Variants in TTC7A observed in about 807,000 individuals in gnomAD.
TTC7A encodes tetratricopeptide repeat domain 7A.
In TTC7A, 110 loss-of-function variants were observed where a neutral mutation model predicts 103.7. The observed-to-expected ratio is 1.06, with a 90% CI of 0.91 to 1.24. TTC7A has a LOEUF of 1.24. Ranked by LOEUF, TTC7A falls within the 50% of genes most tolerant of loss-of-function variation. TTC7A has a pLI of 0.00. For missense variants in TTC7A, 1,340 were observed against 1,116.3 expected (o/e 1.20, Z -2.86); for synonymous variants, 521 against 467.9 (o/e 1.11, Z -1.47).
intron 3 of TTC7A, 53 bp from the exon 4 acceptor site, chr2:46,974,920 G>A: frequency 1.3e-6 from 2 of 1,597,028 alleles, no homozygotes; most frequent in Admixed American, 1.7e-5. Flanking sequence ...GGGAGGGCCT[G>A]GAGTCAGGGG....
At chr2:47,060,662 G>A in intron 18 of TTC7A, 107 bp from the exon 19 acceptor site, 1 of 1,028,194 alleles carries the variant, frequency 9.7e-7, no homozygotes, top group East Asian at 2.4e-5. Context: ...GTGGGATAGA[G>A]TTTGTCACCT....
chr2:46,989,513 C>T (rs1306888545), intron 5 of TTC7A, among the ~76,000 whole-genome samples: 3 of 152,176 alleles, frequency 2.0e-5, no homozygotes, highest in Non-Finnish European at 4.4e-5. Flanking sequence ...TGTGCTTTCT[C>T]ATTTCTCAGA....
At chr2:46,929,207 G>C (rs772858413) in intron 2 of TTC7A, among the ~76,000 whole-genome samples, 2 of 151,856 alleles carry the variant, frequency 1.3e-5, no homozygotes, top group African/African-American at 4.8e-5. Flanking sequence ...TTCTAGGCTG[G>C]GTACAGTGGC....
intron 3 of TTC7A, 117 bp downstream of exon 3, chr2:46,957,124 C>T: frequency 7.6e-7 from 1 of 1,321,420 alleles, no homozygotes; most frequent in Non-Finnish European, 1.1e-6. Context: ...TGCCCATGCC[C>T]TGGCACTGGT....
chr2:47,071,225 C>T (rs1210995765), intron 19 of TTC7A: 2 of 152,284 alleles, frequency 1.3e-5, no homozygotes, highest in African/African-American at 4.8e-5. Flanking sequence ...CGGCTGGTGT[C>T]AGGGGCAGGT....
intron 2 of TTC7A, among the ~76,000 whole-genome samples, chr2:46,954,157 T>G (rs997964183): frequency 6.6e-6 from 1 of 152,234 alleles, no homozygotes; most frequent in Non-Finnish European, 1.5e-5. Flanking sequence ...GTTCCCACGT[T>G]AGTCTGTGAA....
intron 8 of TTC7A, among the ~76,000 whole-genome samples, chr2:46,996,321 C>T (rs550843920): frequency 6.6e-6 from 1 of 152,306 alleles, no homozygotes; most frequent in East Asian, 1.9e-4. Context: ...AGCTGGGAAC[C>T]ACCAGGTTGA....
chr2:46,968,106 G>A (rs1292690930), intron 3 of TTC7A, among the ~76,000 whole-genome samples: 2 of 152,196 alleles, frequency 1.3e-5, no homozygotes, highest in African/African-American at 4.8e-5. Context: ...TGGAAGGGCG[G>A]CTGCCTTGGA....
chr2:46,937,767 A>C (rs1183828394), upstream of TTC7A, among the ~76,000 whole-genome samples: 1 of 152,206 alleles, frequency 6.6e-6, no homozygotes, highest in Non-Finnish European at 1.5e-5. This position sits in a 1 kb window ranked among gnomAD's most constrained non-coding sequence, Gnocchi z 4.0. Flanking sequence ...CATGGATTGC[A>C]TAGGAAGCTG....
rs549244697 is a variant in TTC7A at position 47,011,317 on chromosome 2, C to T, written c.1288-14C>T. 6.2e-7 allele frequency: 1 copy of T among 1,611,606 alleles called. No individual in the cohort carries two copies. The highest frequency in any genetic ancestry group is 8.5e-7 in the Non-Finnish European group (1 of 1,178,592). On this transcript the variant is annotated splice_polypyrimidine_tract_variant and intron_variant, in intron 10 of 19. Coordinates refer to ENST00000319190, the MANE Select transcript of TTC7A (RefSeq NM_020458.4). ...ACTGTGAGTGACAGTGTTTCCTGCT[C>T]TTTTTTTCTGCAGTCAGCCTACGCT...
chr2:46,939,701 A>C (rs1002399240), upstream of TTC7A, among the ~76,000 whole-genome samples: 9 of 152,292 alleles, frequency 5.9e-5, no homozygotes, highest in Admixed American at 5.9e-4. Context: ...GACTCCCAGG[A>C]ATGCCAGGCG....
At position 47,013,243 on chromosome 2, in the gene TTC7A, C is replaced by G. The variant is rs565749485; in HGVS notation, c.1392+1808C>G. Reference sequence around the variant, plus strand: ...GCCCTTGCATCACAGCTTGCTTTCCCCCACCTCATGAGTATCAGGGAACCC... The same window carrying G: ...GCCCTTGCATCACAGCTTGCTTTCCGCCACCTCATGAGTATCAGGGAACCC... On this transcript the variant is annotated intron_variant, in intron 11 of 19. Transcript: ENST00000319190. Among the ~76,000 whole-genome samples, 128 of 152,302 alleles carry G rather than the reference C, an allele frequency of 8.4e-4. 1 individual carries two copies. The highest frequency in any genetic ancestry group is 3.4e-3 in the Middle Eastern group (1 of 294).
At chr2:47,033,928 G>A (rs1332273162) in intron 15 of TTC7A, among the ~76,000 whole-genome samples, 1 of 152,200 alleles carries the variant, frequency 6.6e-6, no homozygotes, top group Non-Finnish European at 1.5e-5. Flanking sequence ...CTCCTTGGCT[G>A]CACAAGAAGT....
chr2:47,015,590 G>A (rs1678558772), intron 11 of TTC7A, among the ~76,000 whole-genome samples: 1 of 152,188 alleles, frequency 6.6e-6, no homozygotes, highest in South Asian at 2.1e-4. Context: ...CTGTAGCCTG[G>A]AAACAATCAT....
chr2:46,949,987 T>C (rs1671266789), intron 1 of TTC7A, among the ~76,000 whole-genome samples: 1 of 152,224 alleles, frequency 6.6e-6, no homozygotes, highest in South Asian at 2.1e-4. Flanking sequence ...ATTTTTTCTC[T>C]TCAATCATTT....
intron 18 of TTC7A, 29 bp from the exon 19 acceptor site, chr2:47,060,740 C>G: frequency 6.4e-7 from 1 of 1,569,624 alleles, no homozygotes; most frequent in Non-Finnish European, 8.7e-7. Context: ...CCACCACTCA[C>G]ACCTCCCACT....
chr2:46,994,493 C>G lies in TTC7A; in HGVS notation c.980C>G (p.Pro327Arg). 6.2e-7 allele frequency: 1 copy of G among 1,614,016 alleles called. No homozygotes were observed. Residue 327 changes from proline to arginine, a missense_variant, in exon 7 of 20, where the codon CCT becomes CGT. Physicochemically the swap from Pro to Arg is moderately radical, Grantham distance 103. Transcript: ENST00000319190. ...TTCGCCACTCAGGCCCTGCGGAAAC[C>G]TCACCTCTATGAAGGAGACAAGTAA... ...SSFATQALRK[P>R]HLYEGDNLYC...
intron 18 of TTC7A, among the ~76,000 whole-genome samples, chr2:47,055,040 T>C (rs1683204990): frequency 6.6e-6 from 1 of 151,910 alleles, no homozygotes; most frequent in Admixed American, 6.6e-5. Context: ...AGCAAGCATC[T>C]ACCAAGCACC....
chr2:46,984,362 G>C (rs1397998616), intron 5 of TTC7A, among the ~76,000 whole-genome samples: 6 of 152,232 alleles, frequency 3.9e-5, no homozygotes, highest in Admixed American at 2.0e-4. Context: ...TGAGGCCCTG[G>C]GGTTGGAGGC....
Sources: gnomAD v4.1 joint callset for allele counts (sites outside exome capture counted in the v4.1 genomes callset) on GRCh38, gnomAD v4.1.1 for gene constraint, Gnocchi (gnomAD v3.1) non-coding constraint, MANE v1.5 for transcripts, NCBI Gene and HGNC (gene_info 2026-07-23, HGNC 2026-07-21) for gene names.